The following FREM2 variants were observed in gnomAD, a reference collection of about 807,000 sequenced individuals.
FREM2 encodes the protein FRAS1 related extracellular matrix 2.
A neutral mutation model predicts 219.9 loss-of-function variants in FREM2; 119 were observed. That is an observed-to-expected ratio of 0.54 (90% CI 0.47 to 0.63). The LOEUF (loss-of-function observed/expected upper bound fraction) is 0.63. FREM2 is among the 30% of genes least tolerant of loss of function. FREM2 has a pLI of 0.00. For missense variants in FREM2, 4,030 were observed against 3,993.6 expected (o/e 1.01, Z -0.25); for synonymous variants, 1,562 against 1,522.8 (o/e 1.03, Z -0.60).
At position 38,690,144 on chromosome 13, in the gene FREM2, C is replaced by T. The variant is rs368536400; in HGVS notation, c.2800C>T (p.Arg934Trp). Reference protein sequence around the residue: ...VVPITLRVNVRPVDDEVPILS... With the variant: ...VVPITLRVNVWPVDDEVPILS... ...GCCCATCACTCTCAGAGTAAATGTC[C>T]GGCCAGTGGATGATGAAGTGCCCAT... The change falls in exon 1 of 24, where the codon CGG (arginine) becomes TGG (tryptophan). Residue 934 changes from arginine (R) to tryptophan (W), a missense_variant. This residue lies in a region of FREM2 where 3,102 missense variants were observed against 2,950.7 expected (regional missense o/e 1.05). Coordinates refer to ENST00000280481, the MANE Select transcript of FREM2 (RefSeq NM_207361.6). The T allele has an allele frequency of 8.7e-6, 14 of 1,613,944 alleles. No individual in the cohort carries two copies. The highest frequency in any genetic ancestry group is 2.2e-5 in the East Asian group (1 of 44,884).
Position 38,764,403 on chromosome 13 carries a change from ATGT to A in FREM2, c.5368_5370del (p.Val1790del). The A allele has an allele frequency of 6.3e-7, 1 of 1,599,050 alleles. No individual in the cohort carries two copies. The highest frequency in any genetic ancestry group is 8.6e-7 in the Non-Finnish European group (1 of 1,167,086). ...GTCAATGAGGACTCCAAATTTCTAG[ATGT>A]TGTTCTTAAACGTAGAGGTTACTTG... On this transcript the variant is annotated inframe_deletion, in exon 3 of 24. Coordinates refer to ENST00000280481, the MANE Select transcript of FREM2 (RefSeq NM_207361.6).
intron 10 of FREM2, 59 bp from the exon 11 acceptor site, chr13:38,851,627 G>T: frequency 1.6e-6 from 2 of 1,271,332 alleles, no homozygotes; most frequent in South Asian, 2.4e-5. Flanking sequence ...CATTAGAAAT[G>T]GAGGAAAAGC....
intron 3 of FREM2, among the ~76,000 whole-genome samples, chr13:38,767,817 A>G (rs151128126): frequency 6.6e-6 from 1 of 152,220 alleles, no homozygotes; most frequent in Non-Finnish European, 1.5e-5. Flanking sequence ...TTCTCTTGCC[A>G]TTAAATGAAT....
chr13:38,835,146 G>A (rs138055870), intron 6 of FREM2, among the ~76,000 whole-genome samples: 163 of 152,112 alleles, frequency 1.1e-3, no homozygotes, highest in Non-Finnish European at 1.9e-3. Flanking sequence ...GAAGGAGTCC[G>A]GTTTCAGTTT....
chr13:38,846,863 G>A lies in FREM2; in HGVS notation c.6169+141G>A, dbSNP rs886334943. ...TGTTTTTGCTGAAATTATTACTCTA[G>A]GAGGTAAATCTAGGCTTTATTTACT... On this transcript the variant is annotated intron_variant, in intron 7 of 23. Transcript: ENST00000280481. 8.7e-6 allele frequency: 8 copies of A among 924,252 alleles called. No individual in the cohort carries two copies. The African/African-American group carries it at 1.3e-4, about 15-fold the overall frequency. 57.3% of individuals were successfully genotyped at this position (924,252 alleles called of 1,614,324 possible).
chr13:38,721,672 T>G lies in FREM2; in HGVS notation c.5263+23885T>G, dbSNP rs1171454035. 2.0e-5 allele frequency among the ~76,000 whole-genome samples: 3 copies of G among 152,206 alleles called. No individual in the cohort carries two copies. The East Asian group carries it at 5.8e-4, about 29-fold the overall frequency. ...GCATACTCAAGCTATTTCACAGTTC[T>G]TGTTTCTGAGGCTATGTTTAAGCAT... is the stretch of plus-strand genomic sequence containing the variant. On this transcript the variant is annotated intron_variant, in intron 2 of 23. Coordinates refer to ENST00000280481, the MANE Select transcript of FREM2 (RefSeq NM_207361.6).
At chr13:38,838,386 C>T (rs1195506575) in intron 6 of FREM2, among the ~76,000 whole-genome samples, 7 of 152,118 alleles carry the variant, frequency 4.6e-5, no homozygotes, top group Admixed American at 2.6e-4. Context: ...TCTGGCTGCC[C>T]GCAACATTTT....
intron 2 of FREM2, among the ~76,000 whole-genome samples, chr13:38,740,026 T>A (rs1872175287): frequency 6.6e-6 from 1 of 152,148 alleles, no homozygotes; most frequent in Non-Finnish European, 1.5e-5. Context: ...TTCTTTACAA[T>A]AAATACAACC....
chr13:38,817,376 A>G (rs770293064), intron 6 of FREM2, among the ~76,000 whole-genome samples: 4 of 152,132 alleles, frequency 2.6e-5, no homozygotes, highest in Non-Finnish European at 5.9e-5. Flanking sequence ...ACATAGACCA[A>G]TGGAATAGAA....
chr13:38,860,702 A>G (rs1171745997), intron 14 of FREM2, among the ~76,000 whole-genome samples: 1 of 152,256 alleles, frequency 6.6e-6, no homozygotes, highest in Non-Finnish European at 1.5e-5. Context: ...TCCTGAAATT[A>G]TAATTCAGCG....
chr13:38,764,169 A>G (rs1375593310), intron 2 of FREM2, 135 bp from the exon 3 acceptor site: 3 of 675,250 alleles, frequency 4.4e-6, no homozygotes, highest in African/African-American at 1.8e-5. Context: ...CTCCATGTAC[A>G]TATTCCAGAG....
rs138777694 is a variant in FREM2 at position 38,814,207 on chromosome 13, T to C, written c.6019+29399T>C. On this transcript the variant is annotated intron_variant, in intron 6 of 23. Coordinates refer to ENST00000280481, the MANE Select transcript of FREM2 (RefSeq NM_207361.6). The stretch of plus-strand genomic sequence containing the variant: ...GATTGGTCCCTGGTGCTTTATATAG[T>C]TCATTTGGTGAGGTCTTGTTTTCCT... Among the ~76,000 whole-genome samples, 1,252 of 152,302 alleles carry C rather than the reference T, an allele frequency of 8.2e-3. 10 individuals are homozygous for C. Among genetic ancestry groups the C allele is most frequent in the Middle Eastern group, 0.024 (7 of 294 alleles).
intron 2 of FREM2, among the ~76,000 whole-genome samples, chr13:38,705,628 T>C (rs912086802): frequency 1.3e-5 from 2 of 152,132 alleles, no homozygotes; most frequent in African/African-American, 2.4e-5. Context: ...GTTGGGATAA[T>C]AACAGTACCT....
chr13:38,840,080 T>A (rs371789051), intron 6 of FREM2, among the ~76,000 whole-genome samples: 1 of 152,068 alleles, frequency 6.6e-6, no homozygotes, highest in East Asian at 1.9e-4. Flanking sequence ...AGGGCCCTGG[T>A]GGTATAGGCA....
chr13:38,826,883 A>G (rs374975351), intron 6 of FREM2, among the ~76,000 whole-genome samples: 7 of 152,068 alleles, frequency 4.6e-5, no homozygotes, highest in East Asian at 1.9e-4. Context: ...GTGACATCTC[A>G]TTTTATTTCC....
intron 2 of FREM2, among the ~76,000 whole-genome samples, chr13:38,700,292 G>C (rs141718021): frequency 7.2e-4 from 110 of 152,138 alleles, no homozygotes; most frequent in African/African-American, 2.5e-3. Flanking sequence ...ATGGATTAGT[G>C]ACTATCCATT....
At chr13:38,810,286 C>T (rs1336899145) in intron 6 of FREM2, among the ~76,000 whole-genome samples, 2 of 151,804 alleles carry the variant, frequency 1.3e-5, no homozygotes, top group African/African-American at 4.8e-5. Context: ...TGATTTCTTT[C>T]TTTTCAATTT....
chr13:38,792,303 C>T (rs966599877), intron 6 of FREM2, among the ~76,000 whole-genome samples: 2 of 152,156 alleles, frequency 1.3e-5, no homozygotes, highest in Non-Finnish European at 2.9e-5. Context: ...GAGCTGAGAT[C>T]ACACCACTGC....
In FREM2 at chr13:38,848,525, T is replaced by G. The variant is rs1232010943; in HGVS notation, c.6234T>G (p.Pro2078=). 1 of 1,614,108 alleles carries G rather than the reference T, an allele frequency of 6.2e-7. No individual in the cohort carries two copies. Among genetic ancestry groups the G allele is most frequent in the South Asian group, 1.1e-5 (1 of 91,084 alleles). The change falls in exon 8 of 24, where the codon CCT becomes CCG. Residue 2078 remains proline (P), a synonymous_variant. Coordinates refer to ENST00000280481, the MANE Select transcript of FREM2 (RefSeq NM_207361.6). ...TTGCACCTGGAGTCAACATGCAGCC[T>G]GTTCGTGTTGTCATTCTGGATGACC... ...LDFAPGVNMQ[P]VRVVILDDLG...
Sources: gnomAD v4.1 joint callset for allele counts (sites outside exome capture counted in the v4.1 genomes callset) on GRCh38, gnomAD v4.1.1 for gene constraint, gnomAD v4.1.1 regional missense constraint, MANE v1.5 for transcripts, NCBI Gene and HGNC (gene_info 2026-07-23, HGNC 2026-07-21) for gene names.